The following ADAM12 variants were observed in gnomAD, a reference collection of about 807,000 sequenced individuals.
The protein encoded by ADAM12 is disintegrin and metalloproteinase domain-containing protein 12.
In ADAM12, 70 loss-of-function variants were observed where a neutral mutation model predicts 106.4. The ratio of observed to expected loss-of-function variants is 0.66; its 90% CI spans 0.54 to 0.80. The LOEUF is 0.80. ADAM12 is among the 30% of genes least tolerant of loss of function. The probability of loss-of-function intolerance (pLI) is 0.00; values close to 1 mark genes in which losing one functional copy is unlikely to be tolerated. For missense variants in ADAM12, 1,010 were observed against 1,171.9 expected (o/e 0.86, Z 2.02); for synonymous variants, 420 against 433.5 (o/e 0.97, Z 0.39).
At chr10:126,069,864 G>A (rs956420917) in intron 12 of ADAM12, among the ~76,000 whole-genome samples, 2 of 152,138 alleles carry the variant, frequency 1.3e-5, no homozygotes, top group Non-Finnish European at 2.9e-5. Context: ...TGGCGATTGT[G>A]GAGATGGTGA....
Position 126,049,636 on chromosome 10 carries a change from C to G in ADAM12, c.1643G>C (p.Arg548Thr), listed in dbSNP as rs763525084. 2 of 1,614,178 alleles carry G rather than the reference C, an allele frequency of 1.2e-6. No homozygotes were observed. The highest frequency in any genetic ancestry group is 1.7e-6 in the Non-Finnish European group (2 of 1,180,036). ...AKPAPGICFE[R>T]VNSAGDPYGN... ...ATAAGGATCACCTGCAGAATTGACT[C>G]TCTCAAAGCAGATCCCAGGGGCAGG... Residue 548 changes from arginine to threonine, a missense_variant, in exon 15 of 23, where the codon AGA (arginine) becomes ACA (threonine). Transcript: ENST00000448723. The surrounding 1 kb of genome is among the most constrained non-coding windows in gnomAD (Gnocchi z 4.4).
At position 126,388,257 on chromosome 10, in the gene ADAM12, G is replaced by C. The variant is rs1590855726; in HGVS notation, c.-112C>G. ...CGCGACCGGAGGGATTTCCTGCCTC[G>C]GCGAGTCAGCTCCGGAGCCCTCGCG... is the stretch of plus-strand genomic sequence containing the variant. On this transcript the variant is annotated 5_prime_UTR_variant, in exon 1 of 23. Transcript: ENST00000448723. The surrounding 1 kb of genome is among the most constrained non-coding windows in gnomAD (Gnocchi z 4.4). 3 of 1,177,144 alleles carry C rather than the reference G, an allele frequency of 2.5e-6. No homozygotes were observed. Among genetic ancestry groups the C allele is most frequent in the Non-Finnish European group, 2.1e-6 (2 of 951,928 alleles). The allele number at this position is 1,177,144 out of a possible 1,614,324, so 72.9% of individuals were successfully genotyped here.
chr10:126,109,779 C>T lies in ADAM12; in HGVS notation c.665G>A (p.Arg222Gln), dbSNP rs200657108. Residue 222 changes from arginine to glutamine, a missense_variant, in exon 7 of 23, where the codon CGA becomes CAA. Physicochemically the swap from Arg to Gln is conservative, Grantham distance 43. Coordinates refer to ENST00000448723, the MANE Select transcript of ADAM12 (RefSeq NM_001288973.2). ...GAAATTTTAAAAAGTTCTTACCTCT[C>T]GGTTGTCTGCCACGATCACCAGCTC... ...YVELVIVADN[R>Q]EFQRQGKDLE... is the part of the protein sequence containing the mutation. The T allele has an allele frequency of 5.0e-6, 8 of 1,612,036 alleles. No homozygotes were observed. The highest frequency in any genetic ancestry group is 4.5e-5 in the East Asian group (2 of 44,882).
chr10:126,104,080 A>C (rs1478442503), intron 8 of ADAM12, among the ~76,000 whole-genome samples: 1 of 152,198 alleles, frequency 6.6e-6, no homozygotes, highest in East Asian at 1.9e-4. Flanking sequence ...AATGAAGGAA[A>C]CTGCATCCTT....
chr10:126,242,221 A>G (rs1295566326), intron 3 of ADAM12, among the ~76,000 whole-genome samples: 2 of 152,198 alleles, frequency 1.3e-5, no homozygotes, highest in Non-Finnish European at 2.9e-5. Flanking sequence ...CTAACACTTT[A>G]GTTTTAAGAC....
chr10:126,071,372 G>T, intron 12 of ADAM12, 105 bp downstream of exon 12: 1 of 1,399,726 alleles, frequency 7.1e-7, no homozygotes, highest in Non-Finnish European at 9.8e-7. Context: ...TCCTTCCTGA[G>T]TTCTAGTACT....
chr10:126,260,139 C>A, intron 3 of ADAM12, among the ~76,000 whole-genome samples: 1 of 152,338 alleles, frequency 6.6e-6, no homozygotes, highest in Non-Finnish European at 1.5e-5. Context: ...ATACACATTA[C>A]CTACCTACCC....
chr10:126,212,058 T>C (rs1048852019), intron 3 of ADAM12, among the ~76,000 whole-genome samples: 3 of 152,164 alleles, frequency 2.0e-5, no homozygotes, highest in Non-Finnish European at 4.4e-5. Context: ...GGTTGTGAAT[T>C]TGGGTCTTGT....
At chr10:126,101,329 G>A (rs1955664116) in intron 8 of ADAM12, 88 bp from the exon 9 acceptor site, 1 of 1,334,358 alleles carries the variant, frequency 7.5e-7, no homozygotes, top group Admixed American at 1.9e-5. Context: ...TGCGTTATTT[G>A]AGGGTCACTG....
intron 1 of ADAM12, among the ~76,000 whole-genome samples, chr10:126,359,098 T>G (rs568727443): frequency 6.6e-6 from 1 of 152,086 alleles, no homozygotes. Context: ...AACCATCATA[T>G]CTCACGAGAC....
intron 14 of ADAM12, among the ~76,000 whole-genome samples, chr10:126,062,839 C>G (rs1954786444): frequency 6.6e-6 from 1 of 152,216 alleles, no homozygotes; most frequent in African/African-American, 2.4e-5. Context: ...GAAAAGGAGA[C>G]TGCTGATTCT....
At chr10:126,221,778 C>T (rs1958099378) in intron 3 of ADAM12, among the ~76,000 whole-genome samples, 1 of 152,170 alleles carries the variant, frequency 6.6e-6, no homozygotes, top group East Asian at 1.9e-4. Flanking sequence ...GAGATTAGAT[C>T]CTTCTCATTC....
chr10:126,357,270 C>G (rs2133896298), intron 1 of ADAM12, among the ~76,000 whole-genome samples: 1 of 151,936 alleles, frequency 6.6e-6, no homozygotes, highest in African/African-American at 2.4e-5. Flanking sequence ...CATTACTCAG[C>G]AGAAAACTTG....
intron 5 of ADAM12, among the ~76,000 whole-genome samples, chr10:126,135,087 C>G (rs920915335): frequency 1.3e-5 from 2 of 152,182 alleles, no homozygotes; most frequent in African/African-American, 2.4e-5. Flanking sequence ...GCATCATGCC[C>G]GTAGCATAGT....
chr10:126,083,516 C>T (rs539257708), intron 11 of ADAM12, among the ~76,000 whole-genome samples: 7 of 152,202 alleles, frequency 4.6e-5, no homozygotes, highest in South Asian at 2.1e-4. Flanking sequence ...TGGAGCCAGA[C>T]GTAAACAGAA....
chr10:126,232,764 T>G (rs1458529524), intron 3 of ADAM12, among the ~76,000 whole-genome samples: 1 of 152,194 alleles, frequency 6.6e-6, no homozygotes, highest in Non-Finnish European at 1.5e-5. Context: ...ATTATATAGT[T>G]AGGCAGCCAT....
At chr10:126,248,084 G>GAT (rs1958664278) in intron 3 of ADAM12, among the ~76,000 whole-genome samples, 1 of 152,192 alleles carries the variant, frequency 6.6e-6, no homozygotes, top group Non-Finnish European at 1.5e-5. Context: ...GCTCATTGCT[G>GAT]AAATTACTCG....
At position 126,076,039 on chromosome 10, in the gene ADAM12, T is replaced by C. The variant is rs116418098; in HGVS notation, c.1146-4385A>G. On this transcript the variant is annotated intron_variant, in intron 11 of 22. Transcript: ENST00000448723. ...GGTCCTGTCACCCAGGTAGTGAGCATAGTACCCAATAGGTGGTTTTTCAGC... is the reference window on the plus strand; with the variant it reads ...GGTCCTGTCACCCAGGTAGTGAGCACAGTACCCAATAGGTGGTTTTTCAGC... 8.2e-3 allele frequency among the ~76,000 whole-genome samples: 1,242 copies of C among 152,292 alleles called. 20 individuals carry two copies. The highest frequency in any genetic ancestry group is 0.028 in the African/African-American group (1,151 of 41,550).
At chr10:126,076,712 T>C (rs1955108840) in intron 11 of ADAM12, among the ~76,000 whole-genome samples, 1 of 152,238 alleles carries the variant, frequency 6.6e-6, no homozygotes, top group Non-Finnish European at 1.5e-5. Context: ...AACTATTTGT[T>C]TTTTACTTGT....
Sources: allele counts gnomAD v4.1 joint callset (sites outside exome capture counted in the v4.1 genomes callset), GRCh38; gene constraint gnomAD v4.1.1; non-coding constraint Gnocchi (gnomAD v3.1); transcripts MANE v1.5; gene names NCBI Gene and HGNC (gene_info 2026-07-23, HGNC 2026-07-21).